Variants in ADAMTSL1 observed in about 807,000 individuals in gnomAD.
The protein encoded by ADAMTSL1 is ADAMTS like 1, also known as ADAMTS-like protein 1.
In ADAMTSL1, 126 loss-of-function variants were observed where a neutral mutation model predicts 201.8. The observed-to-expected ratio is 0.62, with a 90% confidence interval of 0.54 to 0.72. ADAMTSL1 has a LOEUF of 0.72. ADAMTSL1 is among the 30% of genes least tolerant of loss of function. ADAMTSL1 has a pLI of 0.00. For missense variants in ADAMTSL1, 2,679 were observed against 2,277.8 expected (o/e 1.18, Z -3.59); for synonymous variants, 1,121 against 903.4 (o/e 1.24, Z -4.32).
At chr9:18,072,746 G>T (rs1279331470) in intron 1 of ADAMTSL1, among the ~76,000 whole-genome samples, 1 of 152,154 alleles carries the variant, frequency 6.6e-6, no homozygotes, top group Non-Finnish European at 1.5e-5. Context: ...TTGAAGGGTT[G>T]GTACTATTAG....
chr9:18,244,993 A>G (rs1831205991), intron 2 of ADAMTSL1, among the ~76,000 whole-genome samples: 1 of 152,162 alleles, frequency 6.6e-6, no homozygotes, highest in Admixed American at 6.5e-5. Flanking sequence ...GCTGTGTATT[A>G]CTTTTTATTT....
chr9:17,911,436 T>C lies in ADAMTSL1; in HGVS notation c.87+4514T>C, dbSNP rs555147988. On this transcript the variant is annotated intron_variant, in intron 1 of 29. Coordinates refer to the ADAMTSL1 transcript ENST00000680146. ...AAACGAAGAAGGCTGGTCAAGAGGA[T>C]GTGTTACTAGATCAGCGCAAATCCA... Among the ~76,000 whole-genome samples the C allele has an allele frequency of 2.0e-4, 14 of 68,952 alleles. 4 individuals carry two copies. Among genetic ancestry groups the C allele is most frequent in the African/African-American group, 4.1e-4 (14 of 34,240 alleles). 45.2% of individuals were successfully genotyped at this position (68,952 alleles called of 152,430 possible). A position where few individuals can be genotyped will look rare whatever the true frequency, so the allele number is the denominator to read the frequency against.
rs756742329 is a variant in ADAMTSL1 at position 18,639,234 on chromosome 9, T to A, written c.677-20T>A. 1 of 1,611,902 alleles carries A rather than the reference T, an allele frequency of 6.2e-7. No homozygotes were observed. The highest frequency in any genetic ancestry group is 8.5e-7 in the Non-Finnish European group (1 of 1,178,598). ...CCCTAGGAACATCTTTCTCTCATCT[T>A]CACGTGTTTGATCATATAGATCTGG... On this transcript the variant is annotated intron_variant, in intron 6 of 28. Transcript: ENST00000380548.
chr9:18,296,897 T>C (rs1833498814), intron 2 of ADAMTSL1, among the ~76,000 whole-genome samples: 1 of 152,214 alleles, frequency 6.6e-6, no homozygotes, highest in Non-Finnish European at 1.5e-5. Context: ...AGGAGGACTT[T>C]GTATCTCAGA....
intron 13 of ADAMTSL1, among the ~76,000 whole-genome samples, chr9:18,689,177 T>TA (rs1347616932): frequency 1.3e-5 from 2 of 152,082 alleles, no homozygotes; most frequent in Non-Finnish European, 2.9e-5. Flanking sequence ...AGGTGGAAGC[T>TA]AAAAAAATTA....
At chr9:17,926,369 T>G (rs1471195689) in intron 1 of ADAMTSL1, among the ~76,000 whole-genome samples, 2 of 152,156 alleles carry the variant, frequency 1.3e-5, no homozygotes, top group African/African-American at 4.8e-5. Flanking sequence ...CACGATGGTT[T>G]AACACCACCA....
intron 2 of ADAMTSL1, among the ~76,000 whole-genome samples, chr9:18,203,292 C>A (rs1031245962): frequency 4.6e-5 from 7 of 152,022 alleles, no homozygotes; most frequent in East Asian, 3.9e-4. Flanking sequence ...CGCTTCTGCC[C>A]AGACATGAGT....
At chr9:17,997,567 AT>A (rs1819434518) in intron 1 of ADAMTSL1, among the ~76,000 whole-genome samples, 2 of 152,242 alleles carry the variant, frequency 1.3e-5, no homozygotes, top group Non-Finnish European at 1.5e-5. Flanking sequence ...ACAAATATCT[AT>A]GTGAAAATAA....
chr9:18,377,810 C>T (rs190086819), intron 2 of ADAMTSL1, among the ~76,000 whole-genome samples: 40 of 152,194 alleles, frequency 2.6e-4, no homozygotes, highest in Middle Eastern at 6.8e-3. Flanking sequence ...TCAGGTGATC[C>T]GCCCACCTCA....
intron 2 of ADAMTSL1, among the ~76,000 whole-genome samples, chr9:18,510,931 A>T (rs1817986175): frequency 6.6e-6 from 1 of 152,162 alleles, no homozygotes; most frequent in African/African-American, 2.4e-5. Flanking sequence ...CTAGCTTTTT[A>T]AAAAATATTT....
chr9:18,854,856 A>G (rs983229466), intron 23 of ADAMTSL1, among the ~76,000 whole-genome samples: 1 of 152,198 alleles, frequency 6.6e-6, no homozygotes, highest in African/African-American at 2.4e-5. Context: ...TCTATTCTCA[A>G]AATGCAATCT....
intron 2 of ADAMTSL1, among the ~76,000 whole-genome samples, chr9:18,403,089 A>G (rs1027690281): frequency 6.6e-6 from 1 of 152,166 alleles, no homozygotes; most frequent in Non-Finnish European, 1.5e-5. Context: ...AATGGATTGC[A>G]ATGATAATTA....
chr9:18,253,065 T>C (rs1831529287), intron 2 of ADAMTSL1, among the ~76,000 whole-genome samples: 2 of 152,230 alleles, frequency 1.3e-5, no homozygotes, highest in East Asian at 3.8e-4. Context: ...AAAAGAATGT[T>C]ACATTTATGT....
chr9:18,885,626 G>A (rs981886052), intron 23 of ADAMTSL1, among the ~76,000 whole-genome samples: 1 of 152,130 alleles, frequency 6.6e-6, no homozygotes, highest in Non-Finnish European at 1.5e-5. Context: ...TGAAGAATTG[G>A]ATCATATAAC....
At chr9:18,217,494 TTTGG>T (rs1331218963) in intron 2 of ADAMTSL1, among the ~76,000 whole-genome samples, 2 of 152,160 alleles carry the variant, frequency 1.3e-5, no homozygotes, top group African/African-American at 4.8e-5. Context: ...TTTCCTGCTT[TTTGG>T]AATCAGTGAA....
chr9:18,605,391 G>A (rs1824947460), intron 4 of ADAMTSL1, among the ~76,000 whole-genome samples: 1 of 152,214 alleles, frequency 6.6e-6, no homozygotes, highest in Non-Finnish European at 1.5e-5. Flanking sequence ...AGATGAAAAA[G>A]CGGTTATGTT....
At chr9:18,475,710 C>T (rs539580443) in intron 1 of ADAMTSL1, among the ~76,000 whole-genome samples, 75 of 152,134 alleles carry the variant, frequency 4.9e-4, no homozygotes, top group African/African-American at 1.5e-3. Flanking sequence ...GGATGTGTTA[C>T]TTGTATACAC....
At chr9:18,068,572 C>T (rs1822814502) in intron 1 of ADAMTSL1, among the ~76,000 whole-genome samples, 1 of 152,038 alleles carries the variant, frequency 6.6e-6, no homozygotes, top group Non-Finnish European at 1.5e-5. Flanking sequence ...TGGTAAACCC[C>T]ACAAGGAAAG....
At chr9:18,175,107 AC>A (rs1182659342) in intron 2 of ADAMTSL1, among the ~76,000 whole-genome samples, 6 of 152,180 alleles carry the variant, frequency 3.9e-5, no homozygotes, top group Admixed American at 6.5e-5. Flanking sequence ...AGAGCTGAAA[AC>A]CTGAGGAGGG....
Sources: allele counts gnomAD v4.1 joint callset (sites outside exome capture counted in the v4.1 genomes callset), GRCh38; gene constraint gnomAD v4.1.1; transcripts MANE v1.5; gene names NCBI Gene and HGNC (gene_info 2026-07-23, HGNC 2026-07-21).